CCR5AS: variants seen among roughly 807,000 people sequenced by gnomAD.
The protein encoded by CCR5AS is CCR5 antisense RNA.
intron 1 of CCR5AS, among the ~76,000 whole-genome samples, chr3:46,398,554 C>T (rs17782618): frequency 3.3e-5 from 5 of 152,060 alleles, no homozygotes; most frequent in Admixed American, 1.3e-4. Flanking sequence ...AGAGCCAATT[C>T]GGTATATACA....
At chr3:46,366,348 T>C (rs944831697) in intron 3 of CCR5AS, among the ~76,000 whole-genome samples, 1 of 152,220 alleles carries the variant, frequency 6.6e-6, no homozygotes, top group Admixed American at 6.5e-5. Context: ...GCTCCAGGTA[T>C]GATCTGACTC....
intron 1 of CCR5AS, among the ~76,000 whole-genome samples, chr3:46,401,527 T>C (rs1271964229): frequency 6.6e-6 from 1 of 152,232 alleles, no homozygotes; most frequent in African/African-American, 2.4e-5. Flanking sequence ...AAGGTTTGGC[T>C]GAAGCATGTG....
In CCR5AS at chr3:46,381,635, T is replaced by C. The variant is rs536826291; in HGVS notation, n.392-10218A>G. Among the ~76,000 whole-genome samples the C allele has an allele frequency of 4.6e-5, 7 of 152,368 alleles. No individual in the cohort carries two copies. In the East Asian group the frequency reaches 1.2e-3, roughly 25 times the overall value. ...TGGGAGAATTTCAATATTGTCTATG[T>C]TCACTTTAAAATTCCTCTACTTAGG... is the stretch of plus-strand genomic sequence containing the variant. On this transcript the variant is annotated intron_variant and non_coding_transcript_variant, in intron 2 of 3. Coordinates refer to ENST00000451485, the Ensembl canonical transcript of CCR5AS.
chr3:46,406,206 A>G (rs1002182790), intron 1 of CCR5AS, among the ~76,000 whole-genome samples: 92 of 152,106 alleles, frequency 6.0e-4, no homozygotes, highest in Non-Finnish European at 8.5e-4. Context: ...CTATTTTGAC[A>G]GGTACAAATT....
At chr3:46,390,260 C>T (rs111713092) in intron 2 of CCR5AS, among the ~76,000 whole-genome samples, 20,311 of 151,716 alleles carry the variant, frequency 0.13, 1,527 homozygotes, top group Non-Finnish European at 0.15. Context: ...TCTTTGAGGT[C>T]GATAACAGAA....
intron 2 of CCR5AS, among the ~76,000 whole-genome samples, chr3:46,380,115 G>A (rs1273549817): frequency 6.6e-6 from 1 of 152,066 alleles, no homozygotes; most frequent in East Asian, 1.9e-4. Flanking sequence ...CTCTCTAGGT[G>A]GGAGTGGATA....
intron 2 of CCR5AS, among the ~76,000 whole-genome samples, chr3:46,387,286 C>A (rs1343656528): frequency 6.6e-6 from 1 of 152,182 alleles, no homozygotes; most frequent in Non-Finnish European, 1.5e-5. Context: ...GGAAGATGTC[C>A]CATCACAGAA....
chr3:46,400,402 G>C (rs1283841775), intron 1 of CCR5AS, among the ~76,000 whole-genome samples: 1 of 152,204 alleles, frequency 6.6e-6, no homozygotes, highest in African/African-American at 2.4e-5. Flanking sequence ...GAATGACTAA[G>C]TGGCAGACTA....
rs375303372 is a variant in CCR5AS at position 46,389,937 on chromosome 3, G to T, written n.391+2888C>A. 4.6e-5 allele frequency among the ~76,000 whole-genome samples: 7 copies of T among 152,260 alleles called. No homozygotes were observed. In the East Asian group the frequency reaches 9.7e-4, roughly 21 times the overall value. ...TAGGTAATGCTAGGGGAAGAAATTT[G>T]TGCCTCAGAGGGCAATACTTTGTAC... On this transcript the variant is annotated intron_variant and non_coding_transcript_variant, in intron 2 of 3. Coordinates refer to ENST00000451485, the Ensembl canonical transcript of CCR5AS.
intron 2 of CCR5AS, chr3:46,375,317 T>A (rs747440437): frequency 4.2e-5 from 7 of 167,056 alleles, no homozygotes; most frequent in African/African-American, 1.7e-4. Flanking sequence ...TAGGTGAGGA[T>A]TGATTACCTA....
chr3:46,384,868 GA>G (rs1701845096), intron 2 of CCR5AS, among the ~76,000 whole-genome samples: 1 of 52,036 alleles, frequency 1.9e-5, no homozygotes, highest in East Asian at 4.7e-4. Flanking sequence ...TAGATAGATA[GA>G]TAGATAGATA....
intron 2 of CCR5AS, among the ~76,000 whole-genome samples, chr3:46,385,505 A>C (rs1187553952): frequency 6.6e-6 from 1 of 152,156 alleles, no homozygotes; most frequent in Non-Finnish European, 1.5e-5. Flanking sequence ...GCTCAATAAC[A>C]TACCAAATCA....
chr3:46,404,542 C>T lies in CCR5AS; in HGVS notation n.163+2355G>A, dbSNP rs139322191. 5.9e-3 allele frequency among the ~76,000 whole-genome samples: 902 copies of T among 151,882 alleles called. 3 individuals carry two copies. The highest frequency in any genetic ancestry group is 9.3e-3 in the Non-Finnish European group (630 of 67,928). Reference sequence around the variant, plus strand: ...TAGTAGAGATGAAGTTTTGCCATGTCGGCCAGGCTGTTCTCAAACTCCTGA... The same window carrying T: ...TAGTAGAGATGAAGTTTTGCCATGTTGGCCAGGCTGTTCTCAAACTCCTGA... On this transcript the variant is annotated intron_variant and non_coding_transcript_variant, in intron 1 of 3. Coordinates refer to ENST00000451485, the Ensembl canonical transcript of CCR5AS.
chr3:46,367,116 A>C (rs1305985316), intron 3 of CCR5AS, among the ~76,000 whole-genome samples: 1 of 152,176 alleles, frequency 6.6e-6, no homozygotes, highest in Non-Finnish European at 1.5e-5. Context: ...GAAGTTAAAG[A>C]CAGGCTTATT....
At chr3:46,385,085 AT>A in intron 2 of CCR5AS, among the ~76,000 whole-genome samples, 1 of 152,306 alleles carries the variant, frequency 6.6e-6, no homozygotes, top group South Asian at 2.1e-4. Context: ...AGCAAAGCAT[AT>A]GGTGAAGGGG....
intron 2 of CCR5AS, among the ~76,000 whole-genome samples, chr3:46,380,199 G>A (rs1480650704): frequency 1.3e-5 from 2 of 152,120 alleles, no homozygotes. Flanking sequence ...GAGTTCCATG[G>A]AGATCATGCT....
At chr3:46,400,041 G>T (rs1452788275) in intron 1 of CCR5AS, among the ~76,000 whole-genome samples, 1 of 152,082 alleles carries the variant, frequency 6.6e-6, no homozygotes, top group Non-Finnish European at 1.5e-5. Flanking sequence ...AGGCTGGAGT[G>T]TAGTAGTAGT....
At chr3:46,377,482 C>T (rs992548212) in intron 2 of CCR5AS, among the ~76,000 whole-genome samples, 7 of 152,162 alleles carry the variant, frequency 4.6e-5, no homozygotes, top group African/African-American at 1.2e-4. Flanking sequence ...TTTTGTACTC[C>T]AGGGGTTCTT....
At chr3:46,367,797 C>T (rs1701614266) in intron 3 of CCR5AS, among the ~76,000 whole-genome samples, 2 of 152,228 alleles carry the variant, frequency 1.3e-5, no homozygotes, top group Admixed American at 6.5e-5. Context: ...GTCTCAAACT[C>T]CTGACCTCAA....
Sources: gnomAD v4.1 joint callset for allele counts (sites outside exome capture counted in the v4.1 genomes callset) on GRCh38, gnomAD v4.1.1 for gene constraint, MANE v1.5 for transcripts, NCBI Gene and HGNC (gene_info 2026-07-23, HGNC 2026-07-21) for gene names.